CFAP95: variants seen among roughly 807,000 people sequenced by gnomAD.
The protein encoded by CFAP95 is cilia and flagella associated protein 95.
the CFAP95 span, among the ~76,000 whole-genome samples, chr9:69,877,869 G>T: frequency 8.5e-5 from 13 of 152,114 alleles, no homozygotes; most frequent in Non-Finnish European, 1.3e-4. Context: ...CTGTGACTGG[G>T]ACTATTTCAG....
the CFAP95 span, among the ~76,000 whole-genome samples, chr9:69,879,089 T>C: frequency 3.3e-5 from 5 of 152,182 alleles, no homozygotes; most frequent in Admixed American, 2.0e-4. Flanking sequence ...ACCTCCAGTA[T>C]TGGGAATTAC....
At chr9:69,833,695 G>GT in the CFAP95 span, among the ~76,000 whole-genome samples, 673 of 152,128 alleles carry the variant, frequency 4.4e-3, 5 homozygotes, top group African/African-American at 0.015. Context: ...CCTTGTACAT[G>GT]TTATAATCTG....
chr9:69,826,015 G>A, the CFAP95 span, among the ~76,000 whole-genome samples: 63 of 152,186 alleles, frequency 4.1e-4, no homozygotes, highest in African/African-American at 1.5e-3. Flanking sequence ...TCTCCTATAG[G>A]AAGAAACCAG....
the CFAP95 span, among the ~76,000 whole-genome samples, chr9:69,865,319 T>C: frequency 6.6e-6 from 1 of 152,102 alleles, no homozygotes; most frequent in Admixed American, 6.6e-5. Flanking sequence ...AATGAACTAA[T>C]ACAGATGAGG....
chr9:69,846,736 G>T, the CFAP95 span, among the ~76,000 whole-genome samples: 2 of 152,316 alleles, frequency 1.3e-5, no homozygotes, highest in African/African-American at 2.4e-5. Context: ...AAGAGGATGG[G>T]CAAGTCCTTC....
At chr9:69,894,891 A>G in the CFAP95 span, among the ~76,000 whole-genome samples, 2 of 152,004 alleles carry the variant, frequency 1.3e-5, no homozygotes, top group Non-Finnish European at 2.9e-5. Flanking sequence ...GTGAAACACC[A>G]TCTCTACTAA....
At chr9:69,840,013 G>T in the CFAP95 span, among the ~76,000 whole-genome samples, 1 of 151,468 alleles carries the variant, frequency 6.6e-6, no homozygotes, top group East Asian at 2.0e-4. Flanking sequence ...GGAGGCGGAG[G>T]TTGTAGTGAG....
chr9:69,878,351 C>G, the CFAP95 span, among the ~76,000 whole-genome samples: 1 of 152,190 alleles, frequency 6.6e-6, no homozygotes, highest in African/African-American at 2.4e-5. Flanking sequence ...ATTTCCTCAT[C>G]AGGGAAGGGC....
chr9:69,820,904 C>T, the CFAP95 span: 4 of 1,614,082 alleles, frequency 2.5e-6, no homozygotes, highest in Non-Finnish European at 3.4e-6. Flanking sequence ...CAGATCCTGC[C>T]AGGACTGGTG....
At chr9:69,837,506 T>C in the CFAP95 span, among the ~76,000 whole-genome samples, 1 of 152,218 alleles carries the variant, frequency 6.6e-6, no homozygotes, top group Non-Finnish European at 1.5e-5. Context: ...TTTTCACGTG[T>C]CTTTTGGCTG....
chr9:69,853,783 T>G, the CFAP95 span, among the ~76,000 whole-genome samples: 4 of 152,312 alleles, frequency 2.6e-5, no homozygotes, highest in East Asian at 7.7e-4. Context: ...ATAGCAGGAC[T>G]GGTATGAAAG....
the CFAP95 span, among the ~76,000 whole-genome samples, chr9:69,900,686 T>C: frequency 0.94 from 143,551 of 152,164 alleles, 68,226 homozygotes; most frequent in Non-Finnish European, 1. Flanking sequence ...TGTTAGTATC[T>C]TCCTCTGCAG....
chr9:69,842,728 C>T, the CFAP95 span, among the ~76,000 whole-genome samples: 2 of 152,168 alleles, frequency 1.3e-5, no homozygotes, highest in Non-Finnish European at 2.9e-5. Flanking sequence ...CAATATCCCC[C>T]CTGAGGACTT....
chr9:69,849,960 C>A, the CFAP95 span, among the ~76,000 whole-genome samples: 1 of 152,174 alleles, frequency 6.6e-6, no homozygotes, highest in African/African-American at 2.4e-5. Flanking sequence ...AAACTAAAAT[C>A]ATCAAGAGTA....
At chr9:69,906,127 G>C in the CFAP95 span, 2 of 1,594,904 alleles carry the variant, frequency 1.3e-6, no homozygotes, top group Non-Finnish European at 8.5e-7. Context: ...GGCCTATTGT[G>C]CCAATTTAAA....
the CFAP95 span, chr9:69,844,649 T>C: frequency 6.5e-7 from 1 of 1,527,684 alleles, no homozygotes; most frequent in African/African-American, 1.4e-5. Flanking sequence ...ATTACTTCGT[T>C]TGAAGTCTGA....
the CFAP95 span, among the ~76,000 whole-genome samples, chr9:69,860,097 G>A: frequency 2.6e-5 from 4 of 152,186 alleles, no homozygotes; most frequent in African/African-American, 9.6e-5. Flanking sequence ...TATAAACGCT[G>A]TATACTTAGG....
chr9:69,904,765 A>G, the CFAP95 span, among the ~76,000 whole-genome samples: 1 of 152,230 alleles, frequency 6.6e-6, no homozygotes, highest in Non-Finnish European at 1.5e-5. Flanking sequence ...GCAACCAACC[A>G]TAACACCTGA....
At chr9:69,898,865 C>T in the CFAP95 span, among the ~76,000 whole-genome samples, 3 of 151,496 alleles carry the variant, frequency 2.0e-5, no homozygotes, top group South Asian at 2.1e-4. Flanking sequence ...CTCATCATTT[C>T]CCCCCTAAAA....
Sources: gnomAD v4.1 joint callset for allele counts (sites outside exome capture counted in the v4.1 genomes callset) on GRCh38, gnomAD v4.1.1 for gene constraint, MANE v1.5 for transcripts, NCBI Gene and HGNC (gene_info 2026-07-23, HGNC 2026-07-21) for gene names.